Variants in CDH13 observed in about 807,000 individuals in gnomAD.
CDH13 encodes cadherin 13.
A neutral mutation model predicts 63.8 loss-of-function variants in CDH13; 24 were observed. That is an observed-to-expected ratio of 0.38 (90% confidence interval 0.27 to 0.53). The LOEUF (loss-of-function observed/expected upper bound fraction) is 0.53. Ranked by LOEUF, CDH13 falls within the 20% of genes least tolerant of loss-of-function variation. The pLI, the probability that CDH13 is intolerant of heterozygous loss-of-function variation, is 0.85. For synonymous variants in CDH13, 503 were observed against 355.3 expected, an observed-to-expected ratio of 1.42 and a Z score of -4.67; for missense variants, 1,049 against 903.1, an observed-to-expected ratio of 1.16 and a Z score of -2.07.
chr16:82,839,332 C>T (rs549734287), intron 1 of CDH13, among the ~76,000 whole-genome samples: 17 of 152,304 alleles, frequency 1.1e-4, no homozygotes, highest in African/African-American at 3.8e-4. Context: ...TTGCTTTATG[C>T]TGTGGGCCCC....
At position 82,918,460 on chromosome 16, in the gene CDH13, C is replaced by T. The variant is rs144233832; in HGVS notation, c.157+59987C>T. Among the ~76,000 whole-genome samples, 342 of 150,396 alleles carry T rather than the reference C, an allele frequency of 2.3e-3. 1 individual carries two copies. Among genetic ancestry groups the T allele is most frequent in the African/African-American group, 8.0e-3 (328 of 40,908 alleles). The stretch of plus-strand genomic sequence containing the variant: ...TTATTTATTTCTGTGGAATAAGTTC[C>T]TAGAAATAGGATGTCTCTCTGGGTC... On this transcript the variant is annotated intron_variant, in intron 2 of 13. Transcript: ENST00000567109.
intron 3 of CDH13, among the ~76,000 whole-genome samples, chr16:83,079,969 A>C (rs535493334): frequency 1.3e-5 from 2 of 152,352 alleles, no homozygotes; most frequent in African/African-American, 4.8e-5. Context: ...AGTAGCTAGA[A>C]TGCTTTTTAA....
chr16:82,903,264 G>A (rs80187998), intron 2 of CDH13, among the ~76,000 whole-genome samples: 2,160 of 152,320 alleles, frequency 0.014, 45 homozygotes, highest in African/African-American at 0.048. Context: ...ACCTTGGTTA[G>A]GTTGAGTTTG....
intron 3 of CDH13, among the ~76,000 whole-genome samples, chr16:83,065,848 T>C (rs1358441158): frequency 6.6e-6 from 1 of 152,116 alleles, no homozygotes; most frequent in Non-Finnish European, 1.5e-5. Flanking sequence ...GACACACAGC[T>C]GGGGAAACTT....
chr16:83,743,758 TTTTTTTTTTCTTTG>T, intron 10 of CDH13, among the ~76,000 whole-genome samples: 1 of 131,368 alleles, frequency 7.6e-6, no homozygotes. Context: ...CTTTTTTTTT[TTTTTTTTTTCTTTG>T]CTTTTTCCAT....
chr16:83,379,921 A>G (rs111579216), intron 6 of CDH13, among the ~76,000 whole-genome samples: 34 of 97,412 alleles, frequency 3.5e-4, no homozygotes, highest in African/African-American at 7.4e-4. Flanking sequence ...GTGTGTGTGT[A>G]TATATATATA....
At chr16:83,495,143 A>T (rs2151576572) in intron 7 of CDH13, among the ~76,000 whole-genome samples, 1 of 152,294 alleles carries the variant, frequency 6.6e-6, no homozygotes, top group Non-Finnish European at 1.5e-5. Context: ...ATGGCCACTG[A>T]CTCAGCCCTC....
intron 7 of CDH13, among the ~76,000 whole-genome samples, chr16:83,513,789 C>G (rs2074631817): frequency 6.6e-6 from 1 of 152,120 alleles, no homozygotes; most frequent in African/African-American, 2.4e-5. Context: ...TGGGTGGGGA[C>G]ACGGCCAAAC....
At chr16:83,733,971 C>A (rs1023878137) in intron 10 of CDH13, among the ~76,000 whole-genome samples, 2 of 152,188 alleles carry the variant, frequency 1.3e-5, no homozygotes, top group African/African-American at 4.8e-5. Flanking sequence ...TGAAGCAGAG[C>A]ACCAGACTAT....
intron 7 of CDH13, among the ~76,000 whole-genome samples, chr16:83,521,324 T>A (rs1873692617): frequency 6.6e-6 from 1 of 152,024 alleles, no homozygotes; most frequent in Non-Finnish European, 1.5e-5. Flanking sequence ...GAGAAGGTAC[T>A]CTTTGCTCTT....
At chr16:83,700,157 G>T (rs1469065463) in intron 10 of CDH13, among the ~76,000 whole-genome samples, 2 of 152,138 alleles carry the variant, frequency 1.3e-5, no homozygotes, top group Non-Finnish European at 2.9e-5. Context: ...ATTTTGTAGA[G>T]CTTCATATAA....
intron 1 of CDH13, among the ~76,000 whole-genome samples, chr16:82,688,098 G>C (rs1050846644): frequency 6.6e-6 from 1 of 152,130 alleles, no homozygotes; most frequent in Non-Finnish European, 1.5e-5. Flanking sequence ...TGTGAAGCTG[G>C]GTTACTGGGG....
intron 13 of CDH13, among the ~76,000 whole-genome samples, chr16:83,786,505 A>G (rs1915890155): frequency 6.6e-6 from 1 of 152,130 alleles, no homozygotes; most frequent in African/African-American, 2.4e-5. Flanking sequence ...AAATGAAAGG[A>G]AACATATTTC....
chr16:83,118,899 C>A (rs1033637822), intron 3 of CDH13, among the ~76,000 whole-genome samples: 13 of 152,184 alleles, frequency 8.5e-5, no homozygotes, highest in African/African-American at 3.1e-4. Context: ...GTGTTTCTTT[C>A]TTCACCACTG....
intron 5 of CDH13, among the ~76,000 whole-genome samples, chr16:83,295,501 GA>G (rs1303646457): frequency 9.9e-5 from 15 of 151,940 alleles, no homozygotes; most frequent in African/African-American, 3.4e-4. Flanking sequence ...ATGAATAATT[GA>G]AAAATGGGAA....
intron 6 of CDH13, among the ~76,000 whole-genome samples, chr16:83,365,605 G>C (rs566441774): frequency 3.9e-5 from 6 of 152,166 alleles, no homozygotes; most frequent in Non-Finnish European, 7.4e-5. Flanking sequence ...TGTAATTAAG[G>C]TTATTAATCA....
At chr16:82,733,148 C>T (rs751154851) in intron 1 of CDH13, among the ~76,000 whole-genome samples, 17 of 152,188 alleles carry the variant, frequency 1.1e-4, no homozygotes, top group Admixed American at 3.3e-4. Context: ...ATGCCCTCAA[C>T]AATGTTTGCA....
At chr16:83,652,564 C>G (rs1043855229) in intron 8 of CDH13, among the ~76,000 whole-genome samples, 14 of 151,362 alleles carry the variant, frequency 9.2e-5, no homozygotes, top group Non-Finnish European at 1.9e-4. Flanking sequence ...AGACAAGGCT[C>G]TCATTGTACC....
chr16:82,665,773 G>C (rs2150933834), intron 1 of CDH13, among the ~76,000 whole-genome samples: 1 of 152,140 alleles, frequency 6.6e-6, no homozygotes, highest in South Asian at 2.1e-4. Context: ...CTACTGAACA[G>C]CAATAGTTTA....
Sources: allele counts gnomAD v4.1 joint callset (sites outside exome capture counted in the v4.1 genomes callset), GRCh38; gene constraint gnomAD v4.1.1; transcripts MANE v1.5; gene names NCBI Gene and HGNC (gene_info 2026-07-23, HGNC 2026-07-21).